Variants in NFIC observed in about 807,000 individuals in gnomAD.
NFIC encodes the protein nuclear factor 1 C-type.
NFIC carries 12 observed loss-of-function variants against 54.4 expected under a neutral mutation model. The observed-to-expected ratio is 0.22, with a 90% CI of 0.14 to 0.36. NFIC has a LOEUF of 0.36. NFIC is among the 10% of genes least tolerant of loss of function. NFIC has a pLI of 1.00. For missense variants in NFIC, 575 were observed against 718.2 expected (o/e 0.80, Z 2.28); for synonymous variants, 322 against 319.2 (o/e 1.01, Z -0.09).
chr19:3,378,617 C>T (rs948853422), intron 1 of NFIC, among the ~76,000 whole-genome samples: 1 of 152,216 alleles, frequency 6.6e-6, no homozygotes, highest in African/African-American at 2.4e-5. Flanking sequence ...GTTTCCTCAT[C>T]TGTAGCATGG....
chr19:3,428,792 C>A (rs946764429), intron 3 of NFIC, among the ~76,000 whole-genome samples: 6 of 151,934 alleles, frequency 3.9e-5, no homozygotes, highest in African/African-American at 1.4e-4. Context: ...GCTGAGCAGG[C>A]GCTGCACAAA....
At chr19:3,385,821 C>T (rs1256938247) in intron 2 of NFIC, among the ~76,000 whole-genome samples, 1 of 151,998 alleles carries the variant, frequency 6.6e-6, no homozygotes, top group Non-Finnish European at 1.5e-5. Flanking sequence ...ATCCACCCGC[C>T]TCGGCCTCCC....
intron 3 of NFIC, 82 bp from the exon 4 acceptor site, chr19:3,433,436 C>G: frequency 6.8e-7 from 1 of 1,478,052 alleles, no homozygotes; most frequent in South Asian, 1.1e-5. Flanking sequence ...GGCCAGCCCC[C>G]AGGAGTCCAG....
intron 1 of NFIC, among the ~76,000 whole-genome samples, chr19:3,360,112 C>T (rs1599536030): frequency 6.9e-6 from 1 of 145,454 alleles, no homozygotes; most frequent in Non-Finnish European, 1.5e-5. Flanking sequence ...CACGGCGGGA[C>T]GGCGCGTGGG....
Position 3,469,156 on chromosome 19 carries a change from AC to A in NFIC, c.*6388del. 2.6e-5 allele frequency: 1 copy of A among 37,962 alleles called. No individual in the cohort carries two copies. The highest frequency in any genetic ancestry group is 1.5e-3 in the South Asian group (1 of 650). The allele number at this position is 37,962 out of a possible 1,614,324, so 2.4% of individuals were successfully genotyped here. On this transcript the variant is annotated 3_prime_UTR_variant, in exon 11 of 11. Transcript: ENST00000443272. ...CCATAAAAGATTCAATAAAAGACAAACAAAAAAAAAAGAAAAAAGAAAAAAA... is the reference window on the plus strand; with the variant it reads ...CCATAAAAGATTCAATAAAAGACAAAAAAAAAAAAAGAAAAAAGAAAAAAA...
intron 2 of NFIC, among the ~76,000 whole-genome samples, chr19:3,419,173 T>C (rs2145588514): frequency 6.6e-6 from 1 of 152,206 alleles, no homozygotes; most frequent in African/African-American, 2.4e-5. Context: ...TGCATGGCCA[T>C]TGGAATGTAT....
At chr19:3,455,717 C>T (rs942291579) in intron 9 of NFIC, among the ~76,000 whole-genome samples, 1 of 152,032 alleles carries the variant, frequency 6.6e-6, no homozygotes, top group Admixed American at 6.5e-5. Flanking sequence ...GGATTATGCC[C>T]AGAGCCTGGT....
chr19:3,425,549 T>G lies in NFIC; in HGVS notation c.634+372T>G, dbSNP rs1042252221. Among the ~76,000 whole-genome samples the G allele has an allele frequency of 6.6e-5, 10 of 151,854 alleles. No individual in the cohort carries two copies. In the East Asian group the frequency reaches 1.9e-3, roughly 29 times the overall value. ...ATCTCAGCTCACTGCAAGCTCCGCTTCCCGGGTTCAAGTGATTCTCCTGCC... is the reference window on the plus strand; with the variant it reads ...ATCTCAGCTCACTGCAAGCTCCGCTGCCCGGGTTCAAGTGATTCTCCTGCC... On this transcript the variant is annotated intron_variant, in intron 3 of 10. Coordinates refer to ENST00000443272, the MANE Select transcript of NFIC (RefSeq NM_001245002.2).
Position 3,434,391 on chromosome 19 carries a change from CCT to C in NFIC, c.826_827del (p.Ser276GlnfsTer33). 6.2e-7 allele frequency: 1 copy of C among 1,606,734 alleles called. No homozygotes were observed. Among genetic ancestry groups the C allele is most frequent in the South Asian group, 1.1e-5 (1 of 90,184 alleles). On this transcript the variant is annotated frameshift_variant, in exon 5 of 11. Transcript: ENST00000443272. LOFTEE classifies it high-confidence loss of function. ...CTCAGAAGAACGCTGCCCAGCACCT[CCT>C]CCAGTGGGTAAGTACCCAGGTCCCC...
chr19:3,367,006 G>A (rs1045837574), intron 1 of NFIC, among the ~76,000 whole-genome samples: 1 of 148,092 alleles, frequency 6.8e-6, no homozygotes, highest in African/African-American at 2.5e-5. Context: ...CCCGACACTC[G>A]GAAAGGTCGG....
rs537003014 is a variant in NFIC at position 3,456,146 on chromosome 19, A to G, written c.1424-404A>G. Among the ~76,000 whole-genome samples, 194 of 152,340 alleles carry G rather than the reference A, an allele frequency of 1.3e-3. No individual in the cohort carries two copies. The Middle Eastern group carries it at 0.024, about 19-fold the overall frequency. The stretch of plus-strand genomic sequence containing the variant: ...CCTCCCTCTGCCCTCTCCGGGAGGA[A>G]GATTAATAAATAAAACGCCCTCAAT... On this transcript the variant is annotated intron_variant, in intron 9 of 10. Transcript: ENST00000443272.
At chr19:3,416,906 T>C (rs1343622414) in intron 2 of NFIC, among the ~76,000 whole-genome samples, 2 of 136,522 alleles carry the variant, frequency 1.5e-5, no homozygotes, top group Non-Finnish European at 3.1e-5. Context: ...TTTTTTGAGA[T>C]GGAGTCTCGC....
intron 10 of NFIC, among the ~76,000 whole-genome samples, chr19:3,461,234 T>A (rs1240621538): frequency 6.9e-6 from 1 of 145,178 alleles, no homozygotes; most frequent in Non-Finnish European, 1.5e-5. Flanking sequence ...CAGCCTGGTC[T>A]ACATGGCGAA....
At chr19:3,406,591 C>T (rs2081652872) in intron 2 of NFIC, among the ~76,000 whole-genome samples, 2 of 152,108 alleles carry the variant, frequency 1.3e-5, no homozygotes, top group African/African-American at 4.8e-5. Context: ...ACACAGTAGG[C>T]GCTCAAGACG....
intron 5 of NFIC, 142 bp downstream of exon 5, chr19:3,434,542 T>C: frequency 7.7e-7 from 1 of 1,300,840 alleles, no homozygotes; most frequent in African/African-American, 1.5e-5. Flanking sequence ...ACTCATCTCA[T>C]CCTTCAAAAC....
chr19:3,456,629 G>T lies in NFIC; in HGVS notation c.1503G>T (p.Gln501His). 1 of 1,552,030 alleles carries T rather than the reference G, an allele frequency of 6.4e-7. No individual in the cohort carries two copies. Residue 501 changes from glutamine to histidine, a missense_variant, in exon 10 of 11, where the codon CAG becomes CAT. Gln to His is a conservative substitution (Grantham distance 24, BLOSUM62 0). Around this residue, in one of 3 missense-constraint regions of NFIC, gnomAD observed 447 missense variants for 526.9 expected, o/e 0.85. Transcript: ENST00000443272. ...LGPRDPAGIY[Q>H]AQSWYLG ...CAAGGGATCCTGCGGGCATTTATCA[G>T]GCACAGGTAGGGGCCGAGAGGCCGG...
intron 10 of NFIC, 28 bp from the exon 11 acceptor site, chr19:3,462,724 C>A: frequency 6.2e-7 from 1 of 1,613,100 alleles, no homozygotes; most frequent in Non-Finnish European, 8.5e-7. Context: ...TTCTCTCTCC[C>A]TCTTTCTGTC....
intron 2 of NFIC, among the ~76,000 whole-genome samples, chr19:3,383,039 C>T (rs543080104): frequency 6.6e-6 from 1 of 152,136 alleles, no homozygotes; most frequent in African/African-American, 2.4e-5. Context: ...CTTGAGGTCT[C>T]AGGGGGATGA....
chr19:3,452,101 CAAAAA>C lies in NFIC; in HGVS notation c.1085-363_1085-359del, dbSNP rs777727186. Among the ~76,000 whole-genome samples, 1 of 54,528 alleles carries C rather than the reference CAAAAA, an allele frequency of 1.8e-5. No homozygotes were observed. The highest frequency in any genetic ancestry group is 4.1e-5 in the Non-Finnish European group (1 of 24,414). The allele number at this position is 54,528 out of a possible 152,430, so 35.8% of individuals were successfully genotyped here. A position where few individuals can be genotyped will look rare whatever the true frequency, so the allele number is the denominator to read the frequency against. On this transcript the variant is annotated intron_variant, in intron 7 of 10. Transcript: ENST00000443272. The surrounding 1 kb of genome is among the most constrained non-coding windows in gnomAD (Gnocchi z 5.3). ...TGCACTCCAGCCTGGGTGACTGTCTCAAAAAAAAAAAAAAAAAAAAAAGACCAGGC... is the reference window on the plus strand; with the variant it reads ...TGCACTCCAGCCTGGGTGACTGTCTCAAAAAAAAAAAAAAAAAGACCAGGC...
Sources: allele counts gnomAD v4.1 joint callset (sites outside exome capture counted in the v4.1 genomes callset), GRCh38; gene constraint gnomAD v4.1.1; regional missense constraint gnomAD v4.1.1; non-coding constraint Gnocchi (gnomAD v3.1); transcripts MANE v1.5; gene names NCBI Gene and HGNC (gene_info 2026-07-23, HGNC 2026-07-21).